Variants in SRRM4 observed in about 807,000 individuals in gnomAD.
SRRM4 encodes the protein serine/arginine repetitive matrix 4.
A neutral mutation model predicts 68.9 loss-of-function variants in SRRM4; 33 were observed. The ratio of observed to expected loss-of-function variants is 0.48; its 90% CI spans 0.36 to 0.64. SRRM4 has a LOEUF of 0.64. Ranked by LOEUF, SRRM4 falls within the 30% of genes least tolerant of loss-of-function variation. The pLI is 0.00. For synonymous variants in SRRM4, 318 were observed against 318.8 expected (o/e 1.00, Z 0.03); for missense variants, 817 against 827.1 (o/e 0.99, Z 0.15).
chr12:119,073,138 A>G (rs530176942), intron 1 of SRRM4, among the ~76,000 whole-genome samples: 40 of 152,214 alleles, frequency 2.6e-4, no homozygotes, highest in African/African-American at 8.9e-4. Context: ...GAGTCTGGGA[A>G]CTAGATTGCC....
intron 2 of SRRM4, among the ~76,000 whole-genome samples, chr12:119,102,931 G>A (rs1485797159): frequency 1.3e-5 from 2 of 152,156 alleles, no homozygotes; most frequent in Non-Finnish European, 2.9e-5. Context: ...TAAAAATACT[G>A]TATACTCAGC....
intron 1 of SRRM4, among the ~76,000 whole-genome samples, chr12:119,000,281 G>A (rs1199159487): frequency 2.6e-5 from 4 of 152,130 alleles, no homozygotes; most frequent in South Asian, 4.2e-4. Context: ...CACACACCTC[G>A]GAGTCGTTTT....
At chr12:119,001,263 C>T (rs780529736) in intron 1 of SRRM4, 3 of 152,238 alleles carry the variant, frequency 2.0e-5, no homozygotes, top group Non-Finnish European at 4.4e-5. Flanking sequence ...GGAGAGGCCC[C>T]ACCTACTCTT....
At chr12:119,061,064 GGCATGTGTGCGCATGTGCACATGCAACA>G (rs1228570145) in intron 1 of SRRM4, among the ~76,000 whole-genome samples, 1 of 151,954 alleles carries the variant, frequency 6.6e-6, no homozygotes, top group Non-Finnish European at 1.5e-5. Context: ...TGTGTGTGTG[GGCATGTGTGCGCATGTGCACATGCAACA>G]GCATGTGTGA....
At chr12:119,042,004 G>A (rs1421279329) in intron 1 of SRRM4, among the ~76,000 whole-genome samples, 1 of 152,116 alleles carries the variant, frequency 6.6e-6, no homozygotes, top group East Asian at 1.9e-4. Flanking sequence ...TGTCATTTGC[G>A]GTCATGGAAC....
chr12:119,064,396 C>G (rs1953832932), intron 1 of SRRM4, among the ~76,000 whole-genome samples: 1 of 152,146 alleles, frequency 6.6e-6, no homozygotes, highest in Non-Finnish European at 1.5e-5. Context: ...TAATAATTTA[C>G]AATAGCCAAA....
intron 1 of SRRM4, among the ~76,000 whole-genome samples, chr12:119,017,168 T>C (rs1033508444): frequency 5.3e-5 from 8 of 152,254 alleles, no homozygotes; most frequent in Non-Finnish European, 1.0e-4. Flanking sequence ...CTCCAGCTTC[T>C]ATGATTGGCA....
intron 1 of SRRM4, among the ~76,000 whole-genome samples, chr12:119,101,336 G>A (rs1954076633): frequency 6.6e-6 from 1 of 152,032 alleles, no homozygotes; most frequent in Non-Finnish European, 1.5e-5. Context: ...GCCCTCTCAG[G>A]AACTCCCATA....
chr12:119,087,246 C>T (rs1159905289), intron 1 of SRRM4, among the ~76,000 whole-genome samples: 2 of 152,166 alleles, frequency 1.3e-5, no homozygotes, highest in Admixed American at 6.5e-5. Context: ...AGAACAGTAC[C>T]CAGCACATAG....
At chr12:119,095,247 G>T (rs1308028817) in intron 1 of SRRM4, among the ~76,000 whole-genome samples, 1 of 152,200 alleles carries the variant, frequency 6.6e-6, no homozygotes, top group East Asian at 1.9e-4. Context: ...ACTTCATCTT[G>T]TCTCTGGGCT....
intron 1 of SRRM4, among the ~76,000 whole-genome samples, chr12:119,072,719 T>C (rs1275138989): frequency 6.6e-6 from 1 of 152,192 alleles, no homozygotes; most frequent in Non-Finnish European, 1.5e-5. Flanking sequence ...AGATAGGCTA[T>C]CTTCTCCAAA....
At chr12:119,061,806 C>T (rs1953813883) in intron 1 of SRRM4, among the ~76,000 whole-genome samples, 1 of 151,982 alleles carries the variant, frequency 6.6e-6, no homozygotes, top group Admixed American at 6.6e-5. Flanking sequence ...TGATAAGAGA[C>T]TTGCAGCTTC....
In SRRM4 at chr12:119,161,154, T is replaced by C. The variant is rs1382648589; in HGVS notation, c.*4356T>C. The C allele has an allele frequency of 6.6e-6, 1 of 152,208 alleles. No individual in the cohort carries two copies. Among genetic ancestry groups the C allele is most frequent in the East Asian group, 1.9e-4 (1 of 5,186 alleles). The allele number at this position is 152,208 out of a possible 1,614,324, so 9.4% of individuals were successfully genotyped here. A position where few individuals can be genotyped will look rare whatever the true frequency, so the allele number is the denominator to read the frequency against. On this transcript the variant is annotated 3_prime_UTR_variant, in exon 13 of 13. Transcript: ENST00000267260. ...CTCCAGTCCAACTTTCATCTTTTCTTCTGCTGTTTTCTTTTCCCCTCTTCT... is the reference window on the plus strand; with the variant it reads ...CTCCAGTCCAACTTTCATCTTTTCTCCTGCTGTTTTCTTTTCCCCTCTTCT...
At chr12:119,007,265 C>T (rs1470778956) in intron 1 of SRRM4, among the ~76,000 whole-genome samples, 1 of 152,202 alleles carries the variant, frequency 6.6e-6, no homozygotes, top group Non-Finnish European at 1.5e-5. Context: ...GAGAGAATAT[C>T]CTTTTAATAT....
In SRRM4 at chr12:119,159,443, C is replaced by T. The variant is rs1223507477; in HGVS notation, c.*2645C>T. The T allele has an allele frequency of 6.6e-6, 1 of 152,186 alleles. No individual in the cohort carries two copies. The highest frequency in any genetic ancestry group is 1.5e-5 in the Non-Finnish European group (1 of 68,068). The allele number at this position is 152,186 out of a possible 1,614,324, so 9.4% of individuals were successfully genotyped here. On this transcript the variant is annotated 3_prime_UTR_variant, in exon 13 of 13. Coordinates refer to ENST00000267260, the MANE Select transcript of SRRM4 (RefSeq NM_194286.4). ...ACCAGATTGGAGACAGATGTGCTATCTCCTAACAGAGTGATGAGGCTTCAG... is the reference window on the plus strand; with the variant it reads ...ACCAGATTGGAGACAGATGTGCTATTTCCTAACAGAGTGATGAGGCTTCAG...
At chr12:119,085,271 T>G (rs1342753673) in intron 1 of SRRM4, among the ~76,000 whole-genome samples, 9 of 152,216 alleles carry the variant, frequency 5.9e-5, no homozygotes, top group Non-Finnish European at 1.2e-4. Flanking sequence ...GCTTTACATA[T>G]TTTCACCATT....
At chr12:118,998,114 A>C (rs1225148932) in intron 1 of SRRM4, among the ~76,000 whole-genome samples, 1 of 151,980 alleles carries the variant, frequency 6.6e-6, no homozygotes, top group South Asian at 2.1e-4. Context: ...AATGGACACT[A>C]TTTGCATACA....
chr12:119,025,105 G>T (rs1953539530), intron 1 of SRRM4, among the ~76,000 whole-genome samples: 1 of 152,142 alleles, frequency 6.6e-6, no homozygotes, highest in Non-Finnish European at 1.5e-5. Flanking sequence ...TAACCCTGGT[G>T]GGTGTGCATT....
chr12:119,125,296 G>A (rs900557933), intron 6 of SRRM4, 85 bp from the exon 7 acceptor site: 18 of 1,247,696 alleles, frequency 1.4e-5, no homozygotes, highest in Middle Eastern at 1.9e-4. Context: ...AAGGAAAAAC[G>A]GGTGTCACAA....
Sources: allele counts gnomAD v4.1 joint callset (sites outside exome capture counted in the v4.1 genomes callset), GRCh38; gene constraint gnomAD v4.1.1; transcripts MANE v1.5; gene names NCBI Gene and HGNC (gene_info 2026-07-23, HGNC 2026-07-21).